SORCS2: variants seen among roughly 807,000 people sequenced by gnomAD.
SORCS2 encodes VPS10 domain-containing receptor SorCS2.
A neutral mutation model predicts 141.6 loss-of-function variants in SORCS2; 100 were observed. That is an observed-to-expected ratio of 0.71 (90% CI 0.60 to 0.83). The LOEUF is 0.83. Ranked by LOEUF, SORCS2 falls within the 40% of genes least tolerant of loss-of-function variation. The pLI, the probability that SORCS2 is intolerant of heterozygous loss-of-function variation, is 0.00. For missense variants in SORCS2, 1,646 were observed against 1,560.2 expected (o/e 1.05, Z -0.93); for synonymous variants, 789 against 676.9 (o/e 1.17, Z -2.57).
intron 3 of SORCS2, among the ~76,000 whole-genome samples, chr4:7,585,178 G>A (rs758726803): frequency 1.3e-5 from 2 of 152,202 alleles, no homozygotes; most frequent in South Asian, 4.1e-4. Context: ...TTCTTTAGTG[G>A]GGAATGGGCA....
rs1422390326 is a variant in SORCS2 at position 7,373,476 on chromosome 4, A to AT, written c.481-22811dup. ...GAAACTTTTATATATATATATATAT[A>AT]TATTTTTTTTTTTTTTTTTTTTTTT... On this transcript the variant is annotated intron_variant, in intron 1 of 26. Coordinates refer to ENST00000507866, the MANE Select transcript of SORCS2 (RefSeq NM_020777.3). Among the ~76,000 whole-genome samples, 124 of 44,560 alleles carry AT rather than the reference A, an allele frequency of 2.8e-3. 1 individual carries two copies. Among genetic ancestry groups the AT allele is most frequent in the African/African-American group, 0.015 (99 of 6,798 alleles). The allele number at this position is 44,560 out of a possible 152,430, so 29.2% of individuals were successfully genotyped here.
intron 2 of SORCS2, among the ~76,000 whole-genome samples, chr4:7,499,655 C>T (rs1318788481): frequency 6.6e-6 from 1 of 151,378 alleles, no homozygotes; most frequent in African/African-American, 2.5e-5. Flanking sequence ...GGACACTGGC[C>T]ATCCCCCCTC....
At chr4:7,623,150 G>C (rs1393599188) in intron 3 of SORCS2, among the ~76,000 whole-genome samples, 3 of 152,032 alleles carry the variant, frequency 2.0e-5, no homozygotes, top group African/African-American at 7.3e-5. Flanking sequence ...CTGATAATCA[G>C]TAGTCCTCAG....
At chr4:7,626,791 G>C (rs1719541410) in intron 3 of SORCS2, among the ~76,000 whole-genome samples, 1 of 152,120 alleles carries the variant, frequency 6.6e-6, no homozygotes, top group African/African-American at 2.4e-5. Context: ...ATTTCATCCT[G>C]TCCCGTCTTG....
chr4:7,365,336 C>T (rs1721813051), intron 1 of SORCS2, among the ~76,000 whole-genome samples: 2 of 151,738 alleles, frequency 1.3e-5, no homozygotes, highest in African/African-American at 4.8e-5. Flanking sequence ...GTTTGGGGGT[C>T]ACTTAGGCAT....
chr4:7,715,888 A>G (rs138086158), intron 17 of SORCS2, among the ~76,000 whole-genome samples: 8 of 152,288 alleles, frequency 5.3e-5, no homozygotes, highest in Non-Finnish European at 8.8e-5. Flanking sequence ...CACAAATCCC[A>G]GTTATTGTCA....
At chr4:7,435,664 C>T (rs957223417) in intron 2 of SORCS2, among the ~76,000 whole-genome samples, 1 of 152,254 alleles carries the variant, frequency 6.6e-6, no homozygotes, top group Non-Finnish European at 1.5e-5. Flanking sequence ...TGAAGGTACA[C>T]ACACACAAAA....
chr4:7,726,255 C>T (rs1023330662), intron 20 of SORCS2, among the ~76,000 whole-genome samples: 21 of 152,196 alleles, frequency 1.4e-4, no homozygotes, highest in Non-Finnish European at 1.6e-4. Context: ...CACATCAGGC[C>T]TCCTAAATGC....
At chr4:7,296,372 CCGAGGTTGGGCTT>C (rs1400246161) in intron 1 of SORCS2, among the ~76,000 whole-genome samples, 2 of 152,210 alleles carry the variant, frequency 1.3e-5, no homozygotes, top group Non-Finnish European at 2.9e-5. Context: ...GTTTTAGGAG[CCGAGGTTGGGCTT>C]GCTGGCAGGA....
At chr4:7,392,544 C>T (rs1276930520) in intron 1 of SORCS2, among the ~76,000 whole-genome samples, 1 of 152,146 alleles carries the variant, frequency 6.6e-6, no homozygotes, top group African/African-American at 2.4e-5. Flanking sequence ...GGTGAGTCCC[C>T]ACTGTCATGG....
chr4:7,574,521 C>T (rs761804453), intron 3 of SORCS2, among the ~76,000 whole-genome samples: 11 of 151,808 alleles, frequency 7.2e-5, no homozygotes, highest in Middle Eastern at 3.2e-3. Flanking sequence ...GTCAGCGCAG[C>T]AGGTGGGACC....
intron 1 of SORCS2, among the ~76,000 whole-genome samples, chr4:7,296,771 A>G (rs1029227360): frequency 6.6e-5 from 10 of 152,200 alleles, no homozygotes; most frequent in Admixed American, 3.3e-4. Flanking sequence ...CAGAGAAGAC[A>G]TCAGACTCTT....
intron 4 of SORCS2, among the ~76,000 whole-genome samples, chr4:7,650,270 T>C (rs1343685922): frequency 1.3e-5 from 2 of 152,196 alleles, no homozygotes; most frequent in African/African-American, 4.8e-5. Context: ...GGCGATGTTG[T>C]GGGGGCACCT....
chr4:7,288,619 A>AAG lies in SORCS2; in HGVS notation c.480+95507_480+95508dup, dbSNP rs377036685. Reference sequence around the variant, plus strand: ...AGAGAGGAGAGAGGAGAGGGGAGAGAAGAGAGAGAGAGAGATTGCATCCCC... The same window carrying AAG: ...AGAGAGGAGAGAGGAGAGGGGAGAGAAGAGAGAGAGAGAGAGATTGCATCCCC... On this transcript the variant is annotated intron_variant, in intron 1 of 26. Coordinates refer to ENST00000507866, the MANE Select transcript of SORCS2 (RefSeq NM_020777.3). Among the ~76,000 whole-genome samples, 16 of 148,946 alleles carry AAG rather than the reference A, an allele frequency of 1.1e-4. No individual in the cohort carries two copies. The South Asian group carries it at 1.7e-3, about 16-fold the overall frequency.
At chr4:7,566,185 T>C (rs1476988177) in intron 3 of SORCS2, among the ~76,000 whole-genome samples, 2 of 140,198 alleles carry the variant, frequency 1.4e-5, no homozygotes, top group Non-Finnish European at 3.3e-5. Flanking sequence ...GGTAGTGATA[T>C]TGATAATGGT....
intron 3 of SORCS2, among the ~76,000 whole-genome samples, chr4:7,540,936 C>T (rs977148207): frequency 2.6e-5 from 4 of 152,222 alleles, no homozygotes; most frequent in African/African-American, 7.2e-5. Flanking sequence ...AGCGCCCCAC[C>T]CACGAGGCTG....
intron 2 of SORCS2, among the ~76,000 whole-genome samples, chr4:7,492,845 C>T (rs891996494): frequency 6.6e-6 from 1 of 152,240 alleles, no homozygotes; most frequent in African/African-American, 2.4e-5. Flanking sequence ...TTCCCGTGCA[C>T]CTGCGGAGCC....
intron 2 of SORCS2, among the ~76,000 whole-genome samples, chr4:7,530,746 T>G (rs1456865560): frequency 6.6e-6 from 1 of 152,248 alleles, no homozygotes; most frequent in Non-Finnish European, 1.5e-5. Context: ...GATATGAAGT[T>G]GCCTTTGTGG....
chr4:7,408,540 T>G (rs1365595476), intron 2 of SORCS2, among the ~76,000 whole-genome samples: 5 of 152,208 alleles, frequency 3.3e-5, no homozygotes, highest in African/African-American at 4.8e-5. Flanking sequence ...CTCTTTGTCC[T>G]TGACCTTTGA....
Sources: gnomAD v4.1 joint callset for allele counts (sites outside exome capture counted in the v4.1 genomes callset) on GRCh38, gnomAD v4.1.1 for gene constraint, MANE v1.5 for transcripts, NCBI Gene and HGNC (gene_info 2026-07-23, HGNC 2026-07-21) for gene names.